DSEL: variants seen among roughly 807,000 people sequenced by gnomAD.
The protein encoded by DSEL is dermatan sulfate epimerase like.
In DSEL, 61 loss-of-function variants were observed where a neutral mutation model predicts 96.6. The observed-to-expected ratio is 0.63, with a 90% CI of 0.51 to 0.78. The LOEUF is 0.78. Among genes scored for constraint, DSEL ranks in the 30% least tolerant of loss-of-function variants. The pLI, the probability that DSEL is intolerant of heterozygous loss-of-function variation, is 0.00. For missense variants in DSEL, 1,320 were observed against 1,430.8 expected (o/e 0.92, Z 1.25); for synonymous variants, 514 against 502.0 (o/e 1.02, Z -0.32).
intron 1 of DSEL, among the ~76,000 whole-genome samples, chr18:67,515,898 ATCT>A (rs755640674): frequency 8.6e-6 from 1 of 116,182 alleles, no homozygotes; most frequent in East Asian, 2.6e-4. Context: ...AGTTGAAAAG[ATCT>A]TTTTTTTTTT....
At position 67,513,718 on chromosome 18, in the gene DSEL, A is replaced by C. The variant is rs755251932; in HGVS notation, c.891T>G (p.His297Gln). The C allele has an allele frequency of 6.2e-7, 1 of 1,614,230 alleles. No individual in the cohort carries two copies. Among genetic ancestry groups the C allele is most frequent in the Non-Finnish European group, 8.5e-7 (1 of 1,180,042 alleles). ...TATTATCCAAGTTGTTGATATTAAA[A>C]TGGCGCTGGGCCAGAAAAACATACT... is the stretch of plus-strand genomic sequence containing the variant. ...VTQYVFLAQR[H>Q]FNINNLDNNW... The change falls in exon 2 of 2, where the codon CAT becomes CAG. Residue 297 changes from histidine (H) to glutamine (Q), a missense_variant. His to Gln is a conservative substitution (Grantham distance 24). Coordinates refer to ENST00000310045, the MANE Select transcript of DSEL (RefSeq NM_032160.3).
chr18:67,512,693 T>C lies in DSEL; in HGVS notation c.1916A>G (p.His639Arg), dbSNP rs1430946535. Residue 639 changes from histidine (H) to arginine (R), a missense_variant, in exon 2 of 2, where the codon CAT becomes CGT. Transcript: ENST00000310045. ...DAHYKMFWFD[H>R]HGNSPMASIQ... Reference sequence around the variant, plus strand: ...ACTGGCCATGGGACTATTGCCATGATGATCAAACCAAAACATTTTGTAATG... The same window carrying C: ...ACTGGCCATGGGACTATTGCCATGACGATCAAACCAAAACATTTTGTAATG... The C allele has an allele frequency of 4.3e-6, 7 of 1,614,066 alleles. No homozygotes were observed. The African/African-American group carries it at 8.0e-5, about 18-fold the overall frequency.
In DSEL at chr18:67,511,525, G is replaced by A; in HGVS notation, c.3084C>T (p.Tyr1028=). 2 of 1,613,696 alleles carry A rather than the reference G, an allele frequency of 1.2e-6. No homozygotes were observed. The highest frequency in any genetic ancestry group is 1.7e-6 in the Non-Finnish European group (2 of 1,179,996). The change falls in exon 2 of 2, where the codon TAC becomes TAT. Residue 1028 remains tyrosine, a synonymous_variant. Coordinates refer to ENST00000310045, the MANE Select transcript of DSEL (RefSeq NM_032160.3). The stretch of plus-strand genomic sequence containing the variant: ...TCCATGCCCGAGGGTCTCTTACTAT[G>A]TACAATGCCCTCATCGAAGCTCCTA... ...EVLGASMRAL[Y]IVRDPRAWIY...
Position 67,507,160 on chromosome 18 carries a change from A to G in DSEL, c.*3810T>C, listed in dbSNP as rs2089414702. 6.6e-6 allele frequency: 1 copy of G among 152,044 alleles called. No individual in the cohort carries two copies. Among genetic ancestry groups the G allele is most frequent in the Admixed American group, 6.6e-5 (1 of 15,258 alleles). The allele number at this position is 152,044 out of a possible 1,614,324, so 9.4% of individuals were successfully genotyped here. ...TCAAGAGATTGAGACCAGCCTGACC[A>G]ATGTGGTGAAACGCTGTCACTACTA... On this transcript the variant is annotated 3_prime_UTR_variant, in exon 2 of 2. Coordinates refer to ENST00000310045, the MANE Select transcript of DSEL (RefSeq NM_032160.3).
Position 67,514,010 on chromosome 18 carries a change from A to AT in DSEL, c.598dup (p.Ile200AsnfsTer6), listed in dbSNP as rs1215181888. ...GTACATTTCCTCAGTAATAACCCATATTTTTTCCAGGTATTTTTGTCTTCG... is the reference window on the plus strand; with the variant it reads ...GTACATTTCCTCAGTAATAACCCATATTTTTTTCCAGGTATTTTTGTCTTCG... On this transcript the variant is annotated frameshift_variant, in exon 2 of 2. Transcript: ENST00000310045. LOFTEE classifies it high-confidence loss of function. 1 of 1,613,914 alleles carries AT rather than the reference A, an allele frequency of 6.2e-7. No homozygotes were observed. Among genetic ancestry groups the AT allele is most frequent in the Non-Finnish European group, 8.5e-7 (1 of 1,179,984 alleles).
chr18:67,510,058 A>C lies in DSEL; in HGVS notation c.*912T>G, dbSNP rs2089432651. ...TTCCAGAAAAATAAATTTGATTCTA[A>C]GTCTGTGTCAGTCTTTAACGCAAAA... On this transcript the variant is annotated 3_prime_UTR_variant, in exon 2 of 2. Transcript: ENST00000310045. The C allele has an allele frequency of 6.6e-6, 1 of 152,414 alleles. No homozygotes were observed. The highest frequency in any genetic ancestry group is 2.1e-4 in the South Asian group (1 of 4,828). The allele number at this position is 152,414 out of a possible 1,614,324, so 9.4% of individuals were successfully genotyped here. A position where few individuals can be genotyped will look rare whatever the true frequency, so the allele number is the denominator to read the frequency against.
chr18:67,513,679 C>T lies in DSEL; in HGVS notation c.930G>A (p.Met310Ile). 1 of 1,614,166 alleles carries T rather than the reference C, an allele frequency of 6.2e-7. No individual in the cohort carries two copies. Among genetic ancestry groups the T allele is most frequent in the Non-Finnish European group, 8.5e-7 (1 of 1,180,026 alleles). The part of the protein sequence containing the change: ...INNLDNNWLK[M>I]HFWFYYATLL... ...GGGTGGCATAATAGAACCAAAAGTGCATCTTTAACCAGTTATTATCCAAGT... is the reference window on the plus strand; with the variant it reads ...GGGTGGCATAATAGAACCAAAAGTGTATCTTTAACCAGTTATTATCCAAGT... The change falls in exon 2 of 2, where the codon ATG becomes ATA. Residue 310 changes from methionine (M) to isoleucine (I), a missense_variant. Met to Ile is a conservative substitution (Grantham distance 10). Around this residue, in one of 3 missense-constraint regions of DSEL, gnomAD observed 986 missense variants for 1,066.4 expected, o/e 0.92. Transcript: ENST00000310045.
In DSEL at chr18:67,513,981, ACT is replaced by A; in HGVS notation, c.626_627del (p.Glu209ValfsTer14). 1 of 1,614,020 alleles carries A rather than the reference ACT, an allele frequency of 6.2e-7. No individual in the cohort carries two copies. The highest frequency in any genetic ancestry group is 1.3e-5 in the African/African-American group (1 of 74,990). On this transcript the variant is annotated frameshift_variant, in exon 2 of 2. Coordinates refer to ENST00000310045, the MANE Select transcript of DSEL (RefSeq NM_032160.3). LOFTEE classifies it high-confidence loss of function. ...KIWVITEEMY[E>X]YSKVRSWGKQ... ...TTGCCCCATGAGCGGACCTTGGAAT[ACT>A]CGTACATTTCCTCAGTAATAACCCA... is the stretch of plus-strand genomic sequence containing the variant.
At position 67,511,632 on chromosome 18, in the gene DSEL, C is replaced by T. The variant is rs753689867; in HGVS notation, c.2977G>A (p.Val993Ile). ...EYIRALRRHL[V>I]YYPSARPVLS... ...ACAGGACGTGCACTTGGATAGTAAA[C>T]CAGGTGTCTCCTCAAAGCCCTAATA... The change falls in exon 2 of 2, where the codon GTT (valine) becomes ATT (isoleucine). Residue 993 changes from valine to isoleucine, a missense_variant. Coordinates refer to ENST00000310045, the MANE Select transcript of DSEL (RefSeq NM_032160.3). The T allele has an allele frequency of 4.3e-6, 7 of 1,614,074 alleles. No homozygotes were observed. Among genetic ancestry groups the T allele is most frequent in the African/African-American group, 4.0e-5 (3 of 74,908 alleles).
In DSEL at chr18:67,513,786, C is replaced by T; in HGVS notation, c.823G>A (p.Glu275Lys). 1 of 1,614,160 alleles carries T rather than the reference C, an allele frequency of 6.2e-7. No homozygotes were observed. Among genetic ancestry groups the T allele is most frequent in the Non-Finnish European group, 8.5e-7 (1 of 1,180,034 alleles). ...GTGTAGCTTCCATAGGCCACACCTT[C>T]ATCCAAAGAACCATCAACAATATGA... ...LNHIVDGSLD[E>K]GVAYGSYTAK... The change falls in exon 2 of 2, where the codon GAA becomes AAA. Residue 275 changes from glutamate to lysine, a missense_variant. By Grantham distance (56) the Glu-to-Lys change is moderately conservative. This residue lies in a region of DSEL where 323 missense variants were observed against 333.1 expected (regional missense o/e 0.97). Transcript: ENST00000310045.
At position 67,513,196 on chromosome 18, in the gene DSEL, A is replaced by T; in HGVS notation, c.1413T>A (p.Asp471Glu). ...TGGGGGCAAAAGTAAATGAGTTCTG[A>T]TCTGGATGCTCATGTCCTGGGTTAA... ...RSFNPGHEHP[D>E]QNSFTFAPNG... The change falls in exon 2 of 2, where the codon GAT becomes GAA. Residue 471 changes from aspartate to glutamate, a missense_variant. This residue lies in a region of DSEL where 986 missense variants were observed against 1,066.4 expected (regional missense o/e 0.92). Coordinates refer to ENST00000310045, the MANE Select transcript of DSEL (RefSeq NM_032160.3). The T allele has an allele frequency of 6.2e-7, 1 of 1,614,184 alleles. No homozygotes were observed. Among genetic ancestry groups the T allele is most frequent in the Non-Finnish European group, 8.5e-7 (1 of 1,180,036 alleles).
rs17077394 is a variant in DSEL at position 67,510,816 on chromosome 18, T to C, written c.*154A>G. 3.2e-3 allele frequency: 1,846 copies of C among 585,042 alleles called. 31 individuals are homozygous for C. The highest frequency in any genetic ancestry group is 0.031 in the African/African-American group (1,639 of 52,256). The allele number at this position is 585,042 out of a possible 1,614,324, so 36.2% of individuals were successfully genotyped here. A position where few individuals can be genotyped will look rare whatever the true frequency, so the allele number is the denominator to read the frequency against. On this transcript the variant is annotated 3_prime_UTR_variant, in exon 2 of 2. Transcript: ENST00000310045. ...TCCTGCTAGGCCAAATATGGTGCCA[T>C]TTTTTAAAACAATCTCTCTGTGCAA... is the stretch of plus-strand genomic sequence containing the variant.
At position 67,511,697 on chromosome 18, in the gene DSEL, CTTT is replaced by C. The variant is rs767502260; in HGVS notation, c.2909_2911del (p.Gln970del). The stretch of plus-strand genomic sequence containing the variant: ...ATCAAAGGCGCCTTTCATTTGACTT[CTTT>C]GTTCTGGCAAAGACTCTCTCCTTTT... On this transcript the variant is annotated inframe_deletion, in exon 2 of 2. Transcript: ENST00000310045. 1.2e-6 allele frequency: 2 copies of C among 1,614,160 alleles called. No individual in the cohort carries two copies. Among genetic ancestry groups the C allele is most frequent in the Non-Finnish European group, 8.5e-7 (1 of 1,180,026 alleles).
chr18:67,514,525 A>T lies in DSEL; in HGVS notation c.84T>A (p.Asn28Lys), dbSNP rs761354623. ...CTGTGAAAACTGCCCATTCGGAATAATTGCTCACAGATTCCTCAAAAGTAG... is the reference window on the plus strand; with the variant it reads ...CTGTGAAAACTGCCCATTCGGAATATTTGCTCACAGATTCCTCAAAAGTAG... ...AFSTFEESVSNYSEWAVFTDD... is the reference protein window; with the variant it reads ...AFSTFEESVSKYSEWAVFTDD... The change falls in exon 2 of 2, where the codon AAT becomes AAA. Residue 28 changes from asparagine (N) to lysine (K), a missense_variant. Asn to Lys is a moderately conservative substitution (Grantham distance 94). Transcript: ENST00000310045. 2.5e-6 allele frequency: 4 copies of T among 1,614,186 alleles called. No homozygotes were observed.
At position 67,513,144 on chromosome 18, in the gene DSEL, G is replaced by C; in HGVS notation, c.1465C>G (p.Leu489Val). ...PNGQVFVSEA[L>V]YGPKLSHLNN... is the part of the protein sequence containing the mutation. Reference sequence around the variant, plus strand: ...AGGTGGCTCAACTTGGGTCCATAGAGAGCTTCAGAAACAAATACTTGTCCA... The same window carrying C: ...AGGTGGCTCAACTTGGGTCCATAGACAGCTTCAGAAACAAATACTTGTCCA... Residue 489 changes from leucine to valine, a missense_variant, in exon 2 of 2, where the codon CTC becomes GTC. This residue lies in a region of DSEL where 986 missense variants were observed against 1,066.4 expected (regional missense o/e 0.92). Transcript: ENST00000310045. 1 of 1,614,152 alleles carries C rather than the reference G, an allele frequency of 6.2e-7. No homozygotes were observed. The highest frequency in any genetic ancestry group is 8.5e-7 in the Non-Finnish European group (1 of 1,180,036).
chr18:67,511,280 G>A lies in DSEL; in HGVS notation c.3329C>T (p.Ala1110Val). 6.2e-7 allele frequency: 1 copy of A among 1,610,430 alleles called. No individual in the cohort carries two copies. Among genetic ancestry groups the A allele is most frequent in the Non-Finnish European group, 8.5e-7 (1 of 1,179,980 alleles). The change falls in exon 2 of 2, where the codon GCC becomes GTC. Residue 1110 changes from alanine (A) to valine (V), a missense_variant. Ala to Val is a moderately conservative substitution (Grantham distance 64). This residue lies in a region of DSEL where 986 missense variants were observed against 1,066.4 expected (regional missense o/e 0.92). Coordinates refer to ENST00000310045, the MANE Select transcript of DSEL (RefSeq NM_032160.3). ...CAGCAAATCTGTATTTATTCTCAAG[G>A]CTGCTGCTGTATTTGCTAGCCACAA... ...SHLWLANTAA[A>V]LRINTDLLPT...
At position 67,514,686 on chromosome 18, in the gene DSEL, A is replaced by T; in HGVS notation, c.-78T>A. On this transcript the variant is annotated 5_prime_UTR_variant, in exon 2 of 2. Transcript: ENST00000310045. ...TGTGTTTCCCATCTGGTTAGTATAA[A>T]ACATACAGTAAAGGCCTTGATAAGA... The T allele has an allele frequency of 6.7e-7, 1 of 1,489,396 alleles. No individual in the cohort carries two copies. Among genetic ancestry groups the T allele is most frequent in the Non-Finnish European group, 9.1e-7 (1 of 1,094,820 alleles). The allele number at this position is 1,489,396 out of a possible 1,614,324, so 92.3% of individuals were successfully genotyped here.
chr18:67,512,659 T>C lies in DSEL; in HGVS notation c.1950A>G (p.Glu650=). The stretch of plus-strand genomic sequence containing the variant: ...TTTTAAATTCAGCAGCTTGCTCTGC[T>C]TCCTGTATACTGGCCATGGGACTAT... ...HGNSPMASIQ[E]AEQAAEFKKR... The change falls in exon 2 of 2, where the codon GAA becomes GAG. Residue 650 remains glutamate, a synonymous_variant. Coordinates refer to ENST00000310045, the MANE Select transcript of DSEL (RefSeq NM_032160.3). 1 of 1,614,200 alleles carries C rather than the reference T, an allele frequency of 6.2e-7. No individual in the cohort carries two copies. The highest frequency in any genetic ancestry group is 2.2e-5 in the East Asian group (1 of 44,884).
rs1012582010 is a variant in DSEL, at chr18:67,510,943, G to A, written c.*27C>T. ...CAAAGTGGGTTGGTAAGTATTATTA[G>A]TGCAAATTTCTGCTGACCTGCAGCA... On this transcript the variant is annotated 3_prime_UTR_variant, in exon 2 of 2. Transcript: ENST00000310045. 6.5e-6 allele frequency: 10 copies of A among 1,534,872 alleles called. No homozygotes were observed. The highest frequency in any genetic ancestry group is 7.9e-6 in the Non-Finnish European group (9 of 1,145,992).
Sources: gnomAD v4.1 joint callset for allele counts (sites outside exome capture counted in the v4.1 genomes callset) on GRCh38, gnomAD v4.1.1 for gene constraint, gnomAD v4.1.1 regional missense constraint, MANE v1.5 for transcripts, NCBI Gene and HGNC (gene_info 2026-07-23, HGNC 2026-07-21) for gene names.